The following RASEF variants were observed in gnomAD, a reference collection of about 807,000 sequenced individuals.
RASEF encodes the protein RAS and EF-hand domain containing.
Under a neutral mutation model 90.1 loss-of-function variants are expected in RASEF, and 68 were observed. The observed-to-expected ratio is 0.75, with a 90% confidence interval of 0.62 to 0.92. The LOEUF is 0.92. Among genes scored for constraint, RASEF ranks in the 40% least tolerant of loss-of-function variants. The pLI, the probability that RASEF is intolerant of heterozygous loss-of-function variation, is 0.00. For synonymous variants in RASEF, 331 were observed against 345.2 expected (o/e 0.96, Z 0.46); for missense variants, 949 against 937.2 (o/e 1.01, Z -0.16).
chr9:83,009,771 A>G lies in RASEF; in HGVS notation c.844-15T>C. 1 of 1,509,126 alleles carries G rather than the reference A, an allele frequency of 6.6e-7. No homozygotes were observed. The allele number at this position is 1,509,126 out of a possible 1,614,324, so 93.5% of individuals were successfully genotyped here. A position where few individuals can be genotyped will look rare whatever the true frequency, so the allele number is the denominator to read the frequency against. On this transcript the variant is annotated splice_polypyrimidine_tract_variant and intron_variant, in intron 5 of 16. Transcript: ENST00000376447. ...TTCTGGTTTTCCTGGATAAAATGAA[A>G]AGTGGGGGTCATTAGATTCAGATTT...
chr9:83,062,430 C>G lies in RASEF; in HGVS notation c.431+7G>C. The G allele has an allele frequency of 6.2e-7, 1 of 1,612,666 alleles. No individual in the cohort carries two copies. Among genetic ancestry groups the G allele is most frequent in the South Asian group, 1.1e-5 (1 of 90,948 alleles). On this transcript the variant is annotated splice_region_variant and intron_variant, in intron 1 of 16. Coordinates refer to ENST00000376447, the MANE Select transcript of RASEF (RefSeq NM_152573.4). The stretch of plus-strand genomic sequence containing the variant: ...AATAACCTCCCGCCCCCAGCTCACA[C>G]TCGCACCTGGGAATGAACTTGGCTT...
intron 5 of RASEF, 137 bp downstream of exon 5, chr9:83,012,297 C>CCTCAAAAAAACT: frequency 2.0e-6 from 1 of 490,758 alleles, no homozygotes; most frequent in Non-Finnish European, 3.6e-6. Flanking sequence ...TATCTTTGAT[C>CCTCAAAAAAACT]AAAGTTATTT....
the RASEF span, among the ~76,000 whole-genome samples, chr9:83,098,931 A>G: frequency 6.6e-6 from 1 of 152,324 alleles, no homozygotes; most frequent in Non-Finnish European, 1.5e-5. Context: ...ACCATATCAG[A>G]TGGTTCTAGG....
At chr9:83,151,383 G>A in the RASEF span, among the ~76,000 whole-genome samples, 1 of 152,134 alleles carries the variant, frequency 6.6e-6, no homozygotes, top group Non-Finnish European at 1.5e-5. Flanking sequence ...GATTGAATAT[G>A]CAGGTGGGAC....
chr9:83,048,552 A>T, intron 1 of RASEF: 1 of 985,240 alleles, frequency 1.0e-6, no homozygotes, highest in Non-Finnish European at 1.2e-6. Context: ...GTTTAAGTGA[A>T]GGAATGAATG....
the RASEF span, among the ~76,000 whole-genome samples, chr9:83,216,256 T>C: frequency 2.6e-5 from 4 of 152,086 alleles, no homozygotes; most frequent in African/African-American, 9.7e-5. Context: ...ATGGGGAAAA[T>C]GTCTCCAGGT....
At chr9:83,191,933 A>G in the RASEF span, among the ~76,000 whole-genome samples, 4 of 152,210 alleles carry the variant, frequency 2.6e-5, no homozygotes, top group Non-Finnish European at 4.4e-5. Context: ...GTGGCCAAGA[A>G]GCATATTTTA....
intron 1 of RASEF, among the ~76,000 whole-genome samples, chr9:83,038,056 TG>T (rs1829774928): frequency 6.6e-6 from 1 of 152,104 alleles, no homozygotes; most frequent in African/African-American, 2.4e-5. Flanking sequence ...ATTTATATTC[TG>T]TAACAATAGG....
the RASEF span, among the ~76,000 whole-genome samples, chr9:83,171,562 G>A: frequency 6.6e-6 from 1 of 151,766 alleles, no homozygotes; most frequent in East Asian, 1.9e-4. Context: ...TCAGGTCCTG[G>A]ACTTTTCTAT....
At chr9:83,147,964 G>A in the RASEF span, among the ~76,000 whole-genome samples, 10 of 151,810 alleles carry the variant, frequency 6.6e-5, no homozygotes, top group African/African-American at 1.5e-4. Flanking sequence ...CTGTTCCTCC[G>A]CTCTTCTGCT....
At chr9:83,114,714 C>T in the RASEF span, among the ~76,000 whole-genome samples, 1 of 152,174 alleles carries the variant, frequency 6.6e-6, no homozygotes, top group Non-Finnish European at 1.5e-5. Context: ...GTAGCACTCC[C>T]AGGCTTATTA....
chr9:83,093,820 G>A, the RASEF span, among the ~76,000 whole-genome samples: 2 of 152,242 alleles, frequency 1.3e-5, no homozygotes, highest in African/African-American at 2.4e-5. Context: ...CAGAGGAGGC[G>A]CCGAGAGCGA....
intron 1 of RASEF, among the ~76,000 whole-genome samples, chr9:83,030,301 G>C (rs1829622669): frequency 6.6e-6 from 1 of 151,686 alleles, no homozygotes; most frequent in Admixed American, 6.6e-5. Flanking sequence ...AGATTGCGGT[G>C]AGCCAAGATC....
At position 83,000,496 on chromosome 9, in the gene RASEF, C is replaced by A. The variant is rs1231965308; in HGVS notation, c.1512G>T (p.Gly504=). 5 of 1,613,924 alleles carry A rather than the reference C, an allele frequency of 3.1e-6. No homozygotes were observed. Among genetic ancestry groups the A allele is most frequent in the Admixed American group, 1.7e-5 (1 of 59,998 alleles). The change falls in exon 11 of 17, where the codon GGG becomes GGT. Residue 504 remains glycine (G), a synonymous_variant. Coordinates refer to ENST00000376447, the MANE Select transcript of RASEF (RefSeq NM_152573.4). Reference sequence around the variant, plus strand: ...TAACAATGCTGCCTTCACTAACAGACCCTTGGGGCTTCCAGTCTAAGACGG... The same window carrying A: ...TAACAATGCTGCCTTCACTAACAGAACCTTGGGGCTTCCAGTCTAAGACGG... The part of the protein sequence containing the change: ...VASVLDWKPQ[G]SVSEGSIVSS...
At chr9:83,140,772 T>G in the RASEF span, among the ~76,000 whole-genome samples, 1 of 152,172 alleles carries the variant, frequency 6.6e-6, no homozygotes, top group Non-Finnish European at 1.5e-5. Flanking sequence ...AAAGCACTTT[T>G]ATTTTCAAAA....
At chr9:83,158,265 T>A in the RASEF span, among the ~76,000 whole-genome samples, 3 of 152,088 alleles carry the variant, frequency 2.0e-5, no homozygotes, top group Non-Finnish European at 4.4e-5. Context: ...CTCCTAAAAT[T>A]GAAACATCTG....
chr9:83,210,602 C>T, the RASEF span, among the ~76,000 whole-genome samples: 1 of 152,332 alleles, frequency 6.6e-6, no homozygotes, highest in Non-Finnish European at 1.5e-5. Context: ...ACACCTTCTA[C>T]AAACGATACC....
the RASEF span, among the ~76,000 whole-genome samples, chr9:83,132,306 T>C: frequency 6.6e-6 from 1 of 152,206 alleles, no homozygotes; most frequent in African/African-American, 2.4e-5. Context: ...CTAGCCTACA[T>C]AGAGAAGCCA....
chr9:83,172,889 G>C, the RASEF span, among the ~76,000 whole-genome samples: 3 of 151,876 alleles, frequency 2.0e-5, no homozygotes, highest in Non-Finnish European at 4.4e-5. Flanking sequence ...TTGCACATTA[G>C]CATCCTTTTC....
Sources: allele counts gnomAD v4.1 joint callset (sites outside exome capture counted in the v4.1 genomes callset), GRCh38; gene constraint gnomAD v4.1.1; transcripts MANE v1.5; gene names NCBI Gene and HGNC (gene_info 2026-07-23, HGNC 2026-07-21).